The following CLSTN2 variants were observed in gnomAD, a reference collection of about 807,000 sequenced individuals.
The protein encoded by CLSTN2 is calsyntenin 2, also known as calsyntenin-2.
A neutral mutation model predicts 101.2 loss-of-function variants in CLSTN2; 48 were observed. The observed-to-expected ratio is 0.47, with a 90% CI of 0.38 to 0.60. CLSTN2 has a LOEUF of 0.60. Among genes scored for constraint, CLSTN2 ranks in the 20% least tolerant of loss-of-function variants. The pLI is 0.00. For missense variants in CLSTN2, 1,160 were observed against 1,238.2 expected (o/e 0.94, Z 0.95); for synonymous variants, 481 against 463.6 (o/e 1.04, Z -0.48).
At chr3:140,444,895 G>A (rs1417116851) in intron 5 of CLSTN2, among the ~76,000 whole-genome samples, 1 of 152,206 alleles carries the variant, frequency 6.6e-6, no homozygotes, top group African/African-American at 2.4e-5. Flanking sequence ...AGGAGGGACA[G>A]ACATTTCTTG....
chr3:140,233,185 C>T (rs181728944), intron 2 of CLSTN2, among the ~76,000 whole-genome samples: 384 of 152,304 alleles, frequency 2.5e-3, no homozygotes, highest in Non-Finnish European at 4.0e-3. Context: ...ACTCAAGTCT[C>T]TGGTTCTGCA....
At chr3:140,119,772 A>T (rs1301605271) in intron 1 of CLSTN2, among the ~76,000 whole-genome samples, 1 of 152,160 alleles carries the variant, frequency 6.6e-6, no homozygotes, top group Non-Finnish European at 1.5e-5. Context: ...AAGTGCTGGG[A>T]TTACAGGCAT....
chr3:140,154,925 T>C (rs1380174814), intron 1 of CLSTN2, among the ~76,000 whole-genome samples: 2 of 152,056 alleles, frequency 1.3e-5, no homozygotes, highest in Non-Finnish European at 2.9e-5. Context: ...TTTTAAACCA[T>C]CATATCTCAT....
chr3:140,338,135 G>T (rs1386490995), intron 2 of CLSTN2, among the ~76,000 whole-genome samples: 2 of 152,120 alleles, frequency 1.3e-5, no homozygotes, highest in East Asian at 3.9e-4. Flanking sequence ...TGATGCAGAA[G>T]GTCATTGACC....
intron 1 of CLSTN2, among the ~76,000 whole-genome samples, chr3:139,970,550 G>A (rs1367918628): frequency 1.3e-5 from 2 of 152,144 alleles, no homozygotes; most frequent in Non-Finnish European, 2.9e-5. Context: ...CATTTATTGC[G>A]TGCTCCTCTG....
intron 1 of CLSTN2, among the ~76,000 whole-genome samples, chr3:140,130,239 C>G (rs6791775): frequency 0.055 from 8,340 of 152,204 alleles, 560 homozygotes; most frequent in African/African-American, 0.16. Context: ...CTGTGAGTTG[C>G]CTCCTTTGCC....
At chr3:140,395,456 A>G (rs6795843) in intron 2 of CLSTN2, among the ~76,000 whole-genome samples, 17,981 of 152,214 alleles carry the variant, frequency 0.12, 1,199 homozygotes, top group African/African-American at 0.17. Flanking sequence ...CAGCTGTAAT[A>G]AAGAGAAACT....
At chr3:140,453,818 T>A (rs1357373193) in intron 6 of CLSTN2, among the ~76,000 whole-genome samples, 2 of 152,196 alleles carry the variant, frequency 1.3e-5, no homozygotes, top group Non-Finnish European at 2.9e-5. Context: ...AAAATTATAA[T>A]GCAATTTTTT....
intron 8 of CLSTN2, among the ~76,000 whole-genome samples, chr3:140,484,155 C>T (rs1184966509): frequency 2.0e-5 from 3 of 152,128 alleles, no homozygotes; most frequent in East Asian, 3.8e-4. Flanking sequence ...TACGGCAGGC[C>T]TGGTGGTGAC....
At chr3:140,563,299 G>T (rs1935955537) in intron 15 of CLSTN2, 96 bp downstream of exon 15, 1 of 1,443,136 alleles carries the variant, frequency 6.9e-7, no homozygotes, top group Non-Finnish European at 9.5e-7. Context: ...GCAAACGTAG[G>T]TGCCCAGAAC....
chr3:140,478,872 GAGGAAGGAAGGA>G (rs34907334), intron 8 of CLSTN2, among the ~76,000 whole-genome samples: 21 of 141,516 alleles, frequency 1.5e-4, no homozygotes, highest in Admixed American at 7.2e-4. Context: ...AAGGGGGAAG[GAGGAAGGAAGGA>G]AGGAAGGAAG....
At chr3:140,173,238 T>C (rs762151924) in intron 1 of CLSTN2, among the ~76,000 whole-genome samples, 2 of 152,170 alleles carry the variant, frequency 1.3e-5, no homozygotes, top group African/African-American at 2.4e-5. Context: ...ACAGGGCCCA[T>C]GCAAGTCCAA....
intron 1 of CLSTN2, among the ~76,000 whole-genome samples, chr3:140,060,309 G>T (rs955564411): frequency 1.3e-5 from 2 of 152,152 alleles, no homozygotes; most frequent in African/African-American, 4.8e-5. Flanking sequence ...AGGGAAGAAA[G>T]CTCATGGAGT....
chr3:140,146,123 TAG>T (rs888458337), intron 1 of CLSTN2, among the ~76,000 whole-genome samples: 3 of 152,244 alleles, frequency 2.0e-5, no homozygotes, highest in Non-Finnish European at 2.9e-5. Flanking sequence ...CCTGCTCGTT[TAG>T]AAAGCCTGGT....
rs114825406 is a variant in CLSTN2, at chr3:140,426,897, G to A, written c.787+5623G>A. On this transcript the variant is annotated intron_variant, in intron 5 of 16. Transcript: ENST00000458420. ...CATCACTTAAAGAGAGAATGGGGCT[G>A]GGCGCAGTGGCTCACACCTGTAATC... Among the ~76,000 whole-genome samples, 841 of 152,208 alleles carry A rather than the reference G, an allele frequency of 5.5e-3. 6 individuals are homozygous for A. The highest frequency in any genetic ancestry group is 0.02 in the African/African-American group (815 of 41,524).
chr3:140,197,154 C>T (rs996201570), intron 2 of CLSTN2, among the ~76,000 whole-genome samples: 2 of 152,126 alleles, frequency 1.3e-5, no homozygotes, highest in African/African-American at 2.4e-5. Context: ...GTGAGAAGGC[C>T]ACAGTCTCAG....
intron 1 of CLSTN2, among the ~76,000 whole-genome samples, chr3:140,023,457 G>C (rs924319675): frequency 2.6e-5 from 4 of 152,196 alleles, no homozygotes; most frequent in African/African-American, 9.6e-5. Context: ...TCAGAGTGAG[G>C]AGGACTGACA....
At chr3:140,362,224 G>T (rs776739754) in intron 2 of CLSTN2, among the ~76,000 whole-genome samples, 6 of 152,196 alleles carry the variant, frequency 3.9e-5, no homozygotes, top group Non-Finnish European at 5.9e-5. Context: ...AAGGGCAGTT[G>T]TTGCAACAAA....
intron 8 of CLSTN2, among the ~76,000 whole-genome samples, chr3:140,524,521 T>G (rs931367756): frequency 2.0e-5 from 3 of 152,142 alleles, no homozygotes; most frequent in Admixed American, 6.5e-5. Flanking sequence ...ACTGACAGTG[T>G]TAGTCAGATC....
Sources: allele counts gnomAD v4.1 joint callset (sites outside exome capture counted in the v4.1 genomes callset), GRCh38; gene constraint gnomAD v4.1.1; transcripts MANE v1.5; gene names NCBI Gene and HGNC (gene_info 2026-07-23, HGNC 2026-07-21).